The following DPYD variants were observed in gnomAD, a reference collection of about 807,000 sequenced individuals.
DPYD encodes dihydropyrimidine dehydrogenase [NADP(+)].
DPYD carries 109 observed loss-of-function variants against 116.2 expected under a neutral mutation model. The ratio of observed to expected loss-of-function variants is 0.94; its 90% CI spans 0.80 to 1.10. DPYD has a LOEUF of 1.10. DPYD is among the 50% of genes least tolerant of loss of function. The pLI is 0.00. For missense variants in DPYD, 1,302 were observed against 1,254.5 expected (o/e 1.04, Z -0.57); for synonymous variants, 440 against 432.0 (o/e 1.02, Z -0.23).
chr1:97,459,100 T>G (rs1213655129), intron 13 of DPYD, among the ~76,000 whole-genome samples: 1 of 152,084 alleles, frequency 6.6e-6, no homozygotes, highest in African/African-American at 2.4e-5. Context: ...GACTTGAATG[T>G]ATAAATAATG....
At chr1:97,216,227 T>G (rs1660385995) in intron 19 of DPYD, among the ~76,000 whole-genome samples, 1 of 152,190 alleles carries the variant, frequency 6.6e-6, no homozygotes, top group African/African-American at 2.4e-5. Context: ...GAACTGTAAC[T>G]TTGATGCCAT....
intron 16 of DPYD, among the ~76,000 whole-genome samples, chr1:97,322,426 G>A (rs1461457889): frequency 6.6e-6 from 1 of 151,838 alleles, no homozygotes; most frequent in East Asian, 1.9e-4. Context: ...AAATACTAAA[G>A]GAAATAATAA....
At chr1:97,587,441 T>C (rs1451595292) in intron 10 of DPYD, among the ~76,000 whole-genome samples, 1 of 152,202 alleles carries the variant, frequency 6.6e-6, no homozygotes, top group Non-Finnish European at 1.5e-5. Context: ...ATTAAATTTG[T>C]CAGCTTATGG....
At chr1:97,097,169 T>TA (rs1482756443) in intron 21 of DPYD, among the ~76,000 whole-genome samples, 2 of 152,204 alleles carry the variant, frequency 1.3e-5, no homozygotes, top group Non-Finnish European at 2.9e-5. Flanking sequence ...TTTATGCTGT[T>TA]AAAAGTCCCA....
intron 12 of DPYD, among the ~76,000 whole-genome samples, chr1:97,528,490 T>G (rs1448771052): frequency 6.6e-6 from 1 of 152,114 alleles, no homozygotes; most frequent in Non-Finnish European, 1.5e-5. Context: ...TTAAATGATA[T>G]TAATTCAAAT....
chr1:97,418,850 T>C (rs1170085843), intron 14 of DPYD, among the ~76,000 whole-genome samples: 1 of 152,048 alleles, frequency 6.6e-6, no homozygotes, highest in African/African-American at 2.4e-5. Flanking sequence ...ATTGCATTAA[T>C]GGACACAGGT....
At chr1:97,110,766 T>C (rs1440049789) in intron 20 of DPYD, among the ~76,000 whole-genome samples, 2 of 152,134 alleles carry the variant, frequency 1.3e-5, no homozygotes, top group Non-Finnish European at 2.9e-5. Flanking sequence ...ATAATGAAGC[T>C]AACAACAATC....
intron 20 of DPYD, among the ~76,000 whole-genome samples, chr1:97,151,146 A>G (rs1368066502): frequency 6.6e-6 from 1 of 152,236 alleles, no homozygotes; most frequent in Non-Finnish European, 1.5e-5. Flanking sequence ...ACATTCTTCT[A>G]TGAAATGTGT....
intron 16 of DPYD, among the ~76,000 whole-genome samples, chr1:97,367,311 A>T (rs1671091091): frequency 6.6e-6 from 1 of 152,114 alleles, no homozygotes; most frequent in South Asian, 2.1e-4. Flanking sequence ...GTTTTATGCA[A>T]ATTAAGTTTG....
At chr1:97,348,881 C>G (rs1330257504) in intron 16 of DPYD, among the ~76,000 whole-genome samples, 1 of 152,230 alleles carries the variant, frequency 6.6e-6, no homozygotes, top group East Asian at 1.9e-4. Context: ...AACTTCCCCT[C>G]CCCCAATATG....
chr1:97,795,384 G>C (rs766951217), intron 3 of DPYD, among the ~76,000 whole-genome samples: 1 of 151,856 alleles, frequency 6.6e-6, no homozygotes, highest in Non-Finnish European at 1.5e-5. Flanking sequence ...ATAATTTATA[G>C]TGTTAGAATG....
intron 8 of DPYD, among the ~76,000 whole-genome samples, chr1:97,623,619 A>T (rs541765425): frequency 2.6e-5 from 4 of 152,168 alleles, no homozygotes; most frequent in Admixed American, 2.6e-4. Flanking sequence ...ATAGAAATAG[A>T]GAAAACATTA....
rs1306721638 is a variant in DPYD, at chr1:97,473,450, G to A, written c.1741-23227C>T. On this transcript the variant is annotated intron_variant, in intron 13 of 22. Coordinates refer to ENST00000370192, the MANE Select transcript of DPYD (RefSeq NM_000110.4). ...ATACTGCAGTCAACATGGGAGTGCAGGTATCTCTTTAAAAATGGTCAAATG... is the reference window on the plus strand; with the variant it reads ...ATACTGCAGTCAACATGGGAGTGCAAGTATCTCTTTAAAAATGGTCAAATG... Among the ~76,000 whole-genome samples, 5 of 152,104 alleles carry A rather than the reference G, an allele frequency of 3.3e-5. No homozygotes were observed. The South Asian group carries it at 8.3e-4, about 25-fold the overall frequency.
chr1:97,761,847 C>A (rs1368545874), intron 3 of DPYD, among the ~76,000 whole-genome samples: 2 of 152,094 alleles, frequency 1.3e-5, no homozygotes, highest in African/African-American at 2.4e-5. Context: ...GAAAGCATGT[C>A]TTTTGCAGAA....
intron 14 of DPYD, among the ~76,000 whole-genome samples, chr1:97,402,375 G>T (rs1381966879): frequency 3.9e-5 from 6 of 151,960 alleles, no homozygotes; most frequent in Non-Finnish European, 8.8e-5. Context: ...CATTTGTTTT[G>T]ATTCTAATGT....
At chr1:97,651,661 A>G (rs2100843043) in intron 8 of DPYD, among the ~76,000 whole-genome samples, 1 of 152,232 alleles carries the variant, frequency 6.6e-6, no homozygotes, top group East Asian at 1.9e-4. Flanking sequence ...CTACAGCGTA[A>G]TAGATTTTGC....
At chr1:97,209,334 A>T (rs761272604) in intron 19 of DPYD, among the ~76,000 whole-genome samples, 3 of 152,148 alleles carry the variant, frequency 2.0e-5, no homozygotes, top group Non-Finnish European at 2.9e-5. Flanking sequence ...TTATATTTTG[A>T]ATCTGCTTAT....
chr1:97,514,145 A>T, intron 13 of DPYD: 2 of 940,232 alleles, frequency 2.1e-6, no homozygotes, highest in Non-Finnish European at 2.5e-6. Flanking sequence ...GATTAAATTC[A>T]AATTGGAGGT....
At chr1:97,214,133 A>T (rs563922916) in intron 19 of DPYD, among the ~76,000 whole-genome samples, 121 of 152,262 alleles carry the variant, frequency 7.9e-4, no homozygotes, top group Non-Finnish European at 8.1e-4. Context: ...AGGTTCCAGC[A>T]AGCCTTGGGG....
Sources: allele counts gnomAD v4.1 joint callset (sites outside exome capture counted in the v4.1 genomes callset), GRCh38; gene constraint gnomAD v4.1.1; transcripts MANE v1.5; gene names NCBI Gene and HGNC (gene_info 2026-07-23, HGNC 2026-07-21).